The following TTLL11 variants were observed in gnomAD, a reference collection of about 807,000 sequenced individuals.
TTLL11 encodes the protein tubulin tyrosine ligase like 11, also known as tubulin polyglutamylase TTLL11.
In TTLL11, 42 loss-of-function variants were observed where a neutral mutation model predicts 51.7. The observed-to-expected ratio is 0.81, with a 90% CI of 0.64 to 1.05. The LOEUF (loss-of-function observed/expected upper bound fraction) is 1.05. Ranked by LOEUF, TTLL11 falls within the 50% of genes least tolerant of loss-of-function variation. The pLI, the probability that TTLL11 is intolerant of heterozygous loss-of-function variation, is 0.00. For synonymous variants in TTLL11, 381 were observed against 383.5 expected, an observed-to-expected ratio of 0.99 and a Z score of 0.08; for missense variants, 799 against 940.4, an observed-to-expected ratio of 0.85 and a Z score of 1.97.
chr9:122,092,870 C>A lies in TTLL11; in HGVS notation c.279G>T (p.Pro93=). ...GCGGGCAGAGGCCCTGCACCGGCTTCGGCTTGGACGGGGGCAGCGTGGGCG... is the reference window on the plus strand; with the variant it reads ...GCGGGCAGAGGCCCTGCACCGGCTTAGGCTTGGACGGGGGCAGCGTGGGCG... ...RPPPTLPPSK[P]KPVQGLCPHG... Residue 93 remains proline (P), a synonymous_variant, in exon 1 of 9, where the codon CCG becomes CCT. Coordinates refer to ENST00000321582, the MANE Select transcript of TTLL11 (RefSeq NM_001139442.2). 6.4e-7 allele frequency: 1 copy of A among 1,571,292 alleles called. No homozygotes were observed. Among genetic ancestry groups the A allele is most frequent in the Non-Finnish European group, 8.6e-7 (1 of 1,166,144 alleles).
chr9:121,929,080 T>C (rs191518960), intron 6 of TTLL11, among the ~76,000 whole-genome samples: 6 of 152,228 alleles, frequency 3.9e-5, no homozygotes, highest in African/African-American at 1.4e-4. Flanking sequence ...ACATCAACCA[T>C]CAAAACATGG....
intron 6 of TTLL11, among the ~76,000 whole-genome samples, chr9:121,942,738 A>ATTTTT (rs34352222): frequency 1.0e-4 from 10 of 97,878 alleles, no homozygotes; most frequent in Non-Finnish European, 1.9e-4. Flanking sequence ...AATCTGTCTT[A>ATTTTT]TTTTTTTTTT....
At chr9:121,832,617 G>A (rs890205675) in intron 8 of TTLL11, among the ~76,000 whole-genome samples, 1 of 152,116 alleles carries the variant, frequency 6.6e-6, no homozygotes, top group Non-Finnish European at 1.5e-5. Context: ...ATGCTCTTAA[G>A]TCCCTTACTC....
At chr9:122,061,798 C>G (rs975521824) in intron 1 of TTLL11, among the ~76,000 whole-genome samples, 2 of 152,040 alleles carry the variant, frequency 1.3e-5, no homozygotes, top group Non-Finnish European at 2.9e-5. Context: ...CCACCACGCC[C>G]TGCTAATTTT....
intron 8 of TTLL11, among the ~76,000 whole-genome samples, chr9:121,827,329 A>G (rs920572378): frequency 6.6e-6 from 1 of 152,038 alleles, no homozygotes; most frequent in Non-Finnish European, 1.5e-5. Flanking sequence ...CACAAGCAGC[A>G]CAATCACCGT....
intron 7 of TTLL11, among the ~76,000 whole-genome samples, chr9:121,864,951 C>CA (rs1554762343): frequency 4.6e-5 from 7 of 151,468 alleles, no homozygotes; most frequent in Non-Finnish European, 7.4e-5. Context: ...AGAAAAGAAG[C>CA]TTTTTTTTTC....
At chr9:122,072,521 G>A (rs10116751) in intron 1 of TTLL11, among the ~76,000 whole-genome samples, 13,700 of 152,210 alleles carry the variant, frequency 0.09, 1,210 homozygotes, top group African/African-American at 0.23. Context: ...GCACACACCT[G>A]TAATCCCAGC....
intron 4 of TTLL11, among the ~76,000 whole-genome samples, chr9:121,976,155 C>T (rs1418026438): frequency 1.3e-5 from 2 of 152,162 alleles, no homozygotes; most frequent in East Asian, 1.9e-4. Context: ...CCCTTCTAAG[C>T]GCAGGGCCCT....
intron 1 of TTLL11, among the ~76,000 whole-genome samples, chr9:122,086,306 A>C (rs930127330): frequency 6.6e-5 from 10 of 152,344 alleles, no homozygotes; most frequent in African/African-American, 2.4e-4. Flanking sequence ...ATGGTAGTGA[A>C]TTGTGATTTT....
intron 8 of TTLL11, among the ~76,000 whole-genome samples, chr9:121,827,327 G>A: frequency 6.6e-6 from 1 of 152,068 alleles, no homozygotes; most frequent in East Asian, 1.9e-4. Flanking sequence ...TTCACAAGCA[G>A]CACAATCACC....
chr9:121,909,792 C>G (rs1480934802), intron 6 of TTLL11, among the ~76,000 whole-genome samples: 5 of 152,158 alleles, frequency 3.3e-5, no homozygotes, highest in African/African-American at 9.7e-5. Flanking sequence ...GGGCAGGTTT[C>G]TAAGTCTTCC....
At chr9:121,921,578 C>T (rs1057496252) in intron 6 of TTLL11, among the ~76,000 whole-genome samples, 1 of 152,186 alleles carries the variant, frequency 6.6e-6, no homozygotes, top group East Asian at 1.9e-4. Context: ...CCTCAGTAAT[C>T]CCTCCCCAGT....
chr9:122,017,475 T>C lies in TTLL11; in HGVS notation c.693+14248A>G, dbSNP rs977095877. On this transcript the variant is annotated intron_variant, in intron 3 of 8. Coordinates refer to ENST00000321582, the MANE Select transcript of TTLL11 (RefSeq NM_001139442.2). ...GTTCATCAACAACAGGGTGAGGCTT[T>C]TTTTTTTTTTTTTTGAGACCCACAT... Among the ~76,000 whole-genome samples, 6 of 150,298 alleles carry C rather than the reference T, an allele frequency of 4.0e-5. No individual in the cohort carries two copies. In the Admixed American group the frequency reaches 4.0e-4, roughly 10 times the overall value.
rs149259148 is a variant in TTLL11 at position 121,831,383 on chromosome 9, G to A, written c.1841-8504C>T. The stretch of plus-strand genomic sequence containing the variant: ...TGGCCATCTCTTGAAGGGCTCTATC[G>A]GAGTCAGTGGAGTGAAGAAGTTAAG... On this transcript the variant is annotated intron_variant, in intron 8 of 8. Coordinates refer to ENST00000321582, the MANE Select transcript of TTLL11 (RefSeq NM_001139442.2). Among the ~76,000 whole-genome samples the A allele has an allele frequency of 1.8e-3, 273 of 152,254 alleles. 1 individual carries two copies. Among genetic ancestry groups the A allele is most frequent in the African/African-American group, 6.2e-3 (257 of 41,540 alleles).
intron 6 of TTLL11, among the ~76,000 whole-genome samples, chr9:121,946,091 C>T (rs1408324175): frequency 2.6e-5 from 4 of 152,218 alleles, no homozygotes; most frequent in African/African-American, 9.6e-5. Context: ...ATTCCTTCTG[C>T]TGGGTTCATA....
Position 121,956,062 on chromosome 9 carries a change from C to T in TTLL11, c.1481+17947G>A, listed in dbSNP as rs560631305. ...ATGAATAGTGCACTCCTAGAAGGAC[C>T]TAAGTTTAAATTAGCAGCCCACAGG... On this transcript the variant is annotated intron_variant, in intron 6 of 8. Coordinates refer to ENST00000321582, the MANE Select transcript of TTLL11 (RefSeq NM_001139442.2). Among the ~76,000 whole-genome samples the T allele has an allele frequency of 8.6e-5, 13 of 151,312 alleles. No homozygotes were observed. In the South Asian group the frequency reaches 2.5e-3, roughly 29 times the overall value.
chr9:121,856,001 G>T lies in TTLL11; in HGVS notation c.1840+4336C>A, dbSNP rs1266533646. 5.9e-5 allele frequency among the ~76,000 whole-genome samples: 9 copies of T among 152,162 alleles called. No homozygotes were observed. The East Asian group carries it at 1.7e-3, about 29-fold the overall frequency. On this transcript the variant is annotated intron_variant, in intron 8 of 8. Coordinates refer to ENST00000321582, the MANE Select transcript of TTLL11 (RefSeq NM_001139442.2). ...ATGTCATATTCATTTGTGACTGAGA[G>T]CACTGGGTATAATGGAAAGGGCAGC... is the stretch of plus-strand genomic sequence containing the variant.
At chr9:122,068,430 G>A (rs1845647572) in intron 1 of TTLL11, among the ~76,000 whole-genome samples, 1 of 151,932 alleles carries the variant, frequency 6.6e-6, no homozygotes, top group Admixed American at 6.6e-5. Flanking sequence ...AATAAAACTG[G>A]GATATACAGT....
intron 6 of TTLL11, among the ~76,000 whole-genome samples, chr9:121,912,442 G>C (rs1840164856): frequency 6.9e-6 from 1 of 144,472 alleles, no homozygotes; most frequent in Non-Finnish European, 1.5e-5. Flanking sequence ...AATGCTCTCT[G>C]TGTCTCTCCC....
Sources: gnomAD v4.1 joint callset for allele counts (sites outside exome capture counted in the v4.1 genomes callset) on GRCh38, gnomAD v4.1.1 for gene constraint, MANE v1.5 for transcripts, NCBI Gene and HGNC (gene_info 2026-07-23, HGNC 2026-07-21) for gene names.